ACTR3C: variants seen among roughly 807,000 people sequenced by gnomAD.
ACTR3C encodes actin-related protein 3C.
A neutral mutation model predicts 26.3 loss-of-function variants in ACTR3C; 18 were observed. The ratio of observed to expected loss-of-function variants is 0.68; its 90% CI spans 0.47 to 1.01. ACTR3C has a LOEUF of 1.01. Among genes scored for constraint, ACTR3C ranks in the 50% least tolerant of loss-of-function variants. ACTR3C has a pLI of 0.00. For missense variants in ACTR3C, 184 were observed against 250.7 expected (o/e 0.73, Z 1.80); for synonymous variants, 55 against 94.5 (o/e 0.58, Z 2.42).
chr7:150,157,066 C>G, the ACTR3C span, among the ~76,000 whole-genome samples: 1 of 144,184 alleles, frequency 6.9e-6, no homozygotes, highest in Non-Finnish European at 1.5e-5. Context: ...ACAAAAAACA[C>G]GTGGACAAGG....
At chr7:150,005,932 T>C in the ACTR3C span, among the ~76,000 whole-genome samples, 2 of 152,160 alleles carry the variant, frequency 1.3e-5, no homozygotes, top group East Asian at 3.9e-4. Flanking sequence ...TGCCCAGCTA[T>C]GAGAAGCTAT....
chr7:150,012,141 T>C, the ACTR3C span, among the ~76,000 whole-genome samples: 1 of 152,162 alleles, frequency 6.6e-6, no homozygotes, highest in African/African-American at 2.4e-5. Context: ...CAGCCCAGTG[T>C]GTAGGCTAAG....
At chr7:149,986,760 T>C in the ACTR3C span, among the ~76,000 whole-genome samples, 1 of 151,646 alleles carries the variant, frequency 6.6e-6, no homozygotes, top group East Asian at 1.9e-4. Flanking sequence ...TGACAAATGT[T>C]AGGAAGCACC....
chr7:150,072,747 T>G, the ACTR3C span, among the ~76,000 whole-genome samples: 1 of 152,008 alleles, frequency 6.6e-6, no homozygotes, highest in Non-Finnish European at 1.5e-5. Context: ...GGATCCAGGA[T>G]GAACTATGGA....
chr7:150,127,641 C>T, the ACTR3C span, among the ~76,000 whole-genome samples: 1 of 152,186 alleles, frequency 6.6e-6, no homozygotes, highest in African/African-American at 2.4e-5. Context: ...AACTAGAAAG[C>T]AGAAAAACAT....
chr7:150,194,293 GTCTT>G, the ACTR3C span, among the ~76,000 whole-genome samples: 60 of 141,408 alleles, frequency 4.2e-4, no homozygotes, highest in Non-Finnish European at 1.2e-4. Flanking sequence ...ATATATAAAA[GTCTT>G]TTCTTTTCTA....
the ACTR3C span, among the ~76,000 whole-genome samples, chr7:150,144,378 G>A: frequency 0.018 from 2,760 of 152,236 alleles, 82 homozygotes; most frequent in African/African-American, 0.062. The surrounding 1 kb of genome is among the most constrained non-coding windows in gnomAD (Gnocchi z 4.6). Flanking sequence ...TATTTGAAAC[G>A]TAAAGAGGGA....
chr7:150,311,875 T>C (rs1198076608), intron 1 of ACTR3C, among the ~76,000 whole-genome samples: 2 of 152,168 alleles, frequency 1.3e-5, no homozygotes, highest in African/African-American at 4.8e-5. Flanking sequence ...GGAATGCACA[T>C]TAACATTTAC....
At chr7:150,070,422 G>A in the ACTR3C span, among the ~76,000 whole-genome samples, 2 of 152,060 alleles carry the variant, frequency 1.3e-5, no homozygotes, top group African/African-American at 4.8e-5. Context: ...TCGGTCAGGG[G>A]CAGAGAAATA....
the ACTR3C span, among the ~76,000 whole-genome samples, chr7:149,994,339 T>C: frequency 6.6e-6 from 1 of 152,150 alleles, no homozygotes; most frequent in African/African-American, 2.4e-5. Context: ...GGCTCATGCC[T>C]GTAATCCCAG....
chr7:150,323,313 G>C, intron 1 of ACTR3C, 156 bp downstream of exon 1: 1 of 261,248 alleles, frequency 3.8e-6, no homozygotes, highest in Non-Finnish European at 7.6e-6. Flanking sequence ...AATCCAGAGC[G>C]CCCACTACGG....
At chr7:150,179,430 A>AG in the ACTR3C span, among the ~76,000 whole-genome samples, 1 of 130,378 alleles carries the variant, frequency 7.7e-6, no homozygotes, top group Non-Finnish European at 1.6e-5. Flanking sequence ...AAAAAAAAAA[A>AG]AGAAAGAAAT....
the ACTR3C span, among the ~76,000 whole-genome samples, chr7:150,163,161 AG>A: frequency 0.018 from 2,648 of 146,732 alleles, 34 homozygotes; most frequent in African/African-American, 0.045. Flanking sequence ...CTCAAAAAAA[AG>A]AAAAAAAAGT....
the ACTR3C span, among the ~76,000 whole-genome samples, chr7:150,236,193 T>G: frequency 2.6e-5 from 4 of 152,362 alleles, no homozygotes; most frequent in South Asian, 8.3e-4. Flanking sequence ...ATTGAATTTA[T>G]TGTAGATCAT....
chr7:150,081,337 A>G, the ACTR3C span, among the ~76,000 whole-genome samples: 62,315 of 150,804 alleles, frequency 0.41, 13,829 homozygotes, highest in East Asian at 0.68. Context: ...AGAAAAAGGA[A>G]GAAGGTAGAG....
the ACTR3C span, among the ~76,000 whole-genome samples, chr7:150,110,162 C>G: frequency 7.0e-6 from 1 of 142,154 alleles, no homozygotes; most frequent in Non-Finnish European, 1.5e-5. Context: ...CAAAAGCAAG[C>G]CTGAGCCCTC....
the ACTR3C span, among the ~76,000 whole-genome samples, chr7:150,232,715 T>C: frequency 6.7e-6 from 1 of 148,352 alleles, no homozygotes. Context: ...CCCAGCTACA[T>C]GGGAGGCTGA....
intron 4 of ACTR3C, 75 bp downstream of exon 4, chr7:150,289,375 G>C: frequency 6.8e-7 from 1 of 1,473,658 alleles, no homozygotes; most frequent in Non-Finnish European, 9.0e-7. Context: ...GGGCAGGGAT[G>C]ATGGCACCAA....
chr7:150,243,027 T>C (rs1832274536), downstream of ACTR3C, among the ~76,000 whole-genome samples: 1 of 152,240 alleles, frequency 6.6e-6, no homozygotes, highest in South Asian at 2.1e-4. Flanking sequence ...TTCTTAATAA[T>C]AGTTAACACT....
Sources: gnomAD v4.1 joint callset for allele counts (sites outside exome capture counted in the v4.1 genomes callset) on GRCh38, gnomAD v4.1.1 for gene constraint, Gnocchi (gnomAD v3.1) non-coding constraint, MANE v1.5 for transcripts, NCBI Gene and HGNC (gene_info 2026-07-23, HGNC 2026-07-21) for gene names.